The following GARIN2 variants were observed in gnomAD, a reference collection of about 807,000 sequenced individuals.
GARIN2 encodes the protein Golgi-associated RAB2 interactor protein 2.
chr14:67,193,348 A>C, the GARIN2 span, among the ~76,000 whole-genome samples: 1 of 137,916 alleles, frequency 7.3e-6, no homozygotes, highest in Non-Finnish European at 1.6e-5. Flanking sequence ...ATATCTATCT[A>C]TATAGAGATA....
the GARIN2 span, among the ~76,000 whole-genome samples, chr14:67,195,591 A>T: frequency 6.6e-6 from 1 of 152,220 alleles, no homozygotes; most frequent in Non-Finnish European, 1.5e-5. Context: ...TGTATGAACA[A>T]GAGTTGACTA....
At chr14:67,220,286 G>A in the GARIN2 span, among the ~76,000 whole-genome samples, 1 of 151,920 alleles carries the variant, frequency 6.6e-6, no homozygotes, top group African/African-American at 2.4e-5. Flanking sequence ...AAAGAAAAAA[G>A]AAAAAAGTTA....
At chr14:67,222,797 G>C in the GARIN2 span, among the ~76,000 whole-genome samples, 1 of 151,876 alleles carries the variant, frequency 6.6e-6, no homozygotes, top group Non-Finnish European at 1.5e-5. Context: ...CTCAGCTTCA[G>C]TCATGCACAT....
the GARIN2 span, among the ~76,000 whole-genome samples, chr14:67,210,496 C>T: frequency 1.6e-3 from 243 of 152,108 alleles, no homozygotes; most frequent in African/African-American, 5.5e-3. Context: ...GCTGGAAAAG[C>T]AAAATTCCAA....
At chr14:67,219,665 TA>T in the GARIN2 span, among the ~76,000 whole-genome samples, 1 of 152,148 alleles carries the variant, frequency 6.6e-6, no homozygotes, top group African/African-American at 2.4e-5. Context: ...TTAGAAATGA[TA>T]AAAAATGAAT....
the GARIN2 span, chr14:67,197,485 C>T: frequency 6.6e-6 from 1 of 152,052 alleles, no homozygotes; most frequent in Non-Finnish European, 1.5e-5. Context: ...GATTTATTTT[C>T]TTCTTTCTCT....
the GARIN2 span, chr14:67,225,078 C>T: frequency 1.3e-6 from 2 of 1,524,954 alleles, no homozygotes; most frequent in Non-Finnish European, 1.8e-6. Flanking sequence ...CTATTGATCT[C>T]TCCTTTACTT....
At chr14:67,192,954 ATATC>A in the GARIN2 span, among the ~76,000 whole-genome samples, 47 of 146,790 alleles carry the variant, frequency 3.2e-4, no homozygotes, top group Middle Eastern at 4.3e-3. Context: ...ATATCTCTAT[ATATC>A]TATATATCGA....
chr14:67,208,453 T>A, the GARIN2 span: 6 of 1,611,242 alleles, frequency 3.7e-6, no homozygotes, highest in Non-Finnish European at 4.2e-6. Flanking sequence ...AATCCAGGTA[T>A]GTGAGGCAGG....
chr14:67,199,645 G>A, the GARIN2 span: 1 of 1,577,074 alleles, frequency 6.3e-7, no homozygotes, highest in Non-Finnish European at 8.7e-7. Context: ...GACGACTTCT[G>A]GCAGCTCAGA....
chr14:67,213,947 G>A, the GARIN2 span, among the ~76,000 whole-genome samples: 1 of 152,114 alleles, frequency 6.6e-6, no homozygotes, highest in Admixed American at 6.5e-5. Flanking sequence ...GTGTTTTTTG[G>A]CTGCATAAAT....
the GARIN2 span, chr14:67,198,829 C>T: frequency 5.4e-6 from 3 of 554,602 alleles, no homozygotes; most frequent in Non-Finnish European, 1.0e-5. Flanking sequence ...TTTCTCTAAA[C>T]ATTCAACATT....
the GARIN2 span, among the ~76,000 whole-genome samples, chr14:67,205,481 G>T: frequency 6.6e-6 from 1 of 152,094 alleles, no homozygotes; most frequent in Non-Finnish European, 1.5e-5. Context: ...TTAATTTCTG[G>T]TTTAAAAATA....
At chr14:67,200,076 T>G in the GARIN2 span, 1 of 969,752 alleles carries the variant, frequency 1.0e-6, no homozygotes, top group African/African-American at 1.6e-5. Context: ...AACCACCACC[T>G]GGAATGCCTT....
chr14:67,226,531 T>C, the GARIN2 span, among the ~76,000 whole-genome samples: 2 of 152,200 alleles, frequency 1.3e-5, no homozygotes, highest in Admixed American at 1.3e-4. Flanking sequence ...TGGCTAATTT[T>C]TGTATTTTTA....
At chr14:67,224,625 AT>A in the GARIN2 span, 5,502 of 265,480 alleles carry the variant, frequency 0.021, 3 homozygotes, top group South Asian at 0.034. Context: ...TAACTTTTAA[AT>A]TTTTTTTTTT....
the GARIN2 span, chr14:67,205,143 C>T: frequency 6.8e-7 from 1 of 1,470,272 alleles, no homozygotes; most frequent in South Asian, 1.4e-5. Flanking sequence ...AGAGGGGTTA[C>T]CGAGATCACA....
At chr14:67,224,554 C>T in the GARIN2 span, 2 of 206,610 alleles carry the variant, frequency 9.7e-6, no homozygotes, top group African/African-American at 2.4e-5. Flanking sequence ...GCCACTGTGC[C>T]CGGCCCCATT....
the GARIN2 span, chr14:67,208,554 C>G: frequency 8.3e-7 from 1 of 1,203,250 alleles, no homozygotes; most frequent in Non-Finnish European, 1.1e-6. Flanking sequence ...TGAAGATTCT[C>G]AGAGACAGAT....
Sources: allele counts gnomAD v4.1 joint callset (sites outside exome capture counted in the v4.1 genomes callset), GRCh38; gene constraint gnomAD v4.1.1; transcripts MANE v1.5; gene names NCBI Gene and HGNC (gene_info 2026-07-23, HGNC 2026-07-21).